The following RGS22 variants were observed in gnomAD, a reference collection of about 807,000 sequenced individuals.
RGS22 encodes regulator of G-protein signaling 22.
RGS22 carries 148 observed loss-of-function variants against 172.9 expected under a neutral mutation model. The ratio of observed to expected loss-of-function variants is 0.86; its 90% confidence interval spans 0.75 to 0.98. The LOEUF (loss-of-function observed/expected upper bound fraction) is 0.98. Among genes scored for constraint, RGS22 ranks in the 50% least tolerant of loss-of-function variants. The pLI, the probability that RGS22 is intolerant of heterozygous loss-of-function variation, is 0.00. For synonymous variants in RGS22, 458 were observed against 480.2 expected (o/e 0.95, Z 0.60); for missense variants, 1,347 against 1,440.8 (o/e 0.93, Z 1.05).
intron 9 of RGS22, among the ~76,000 whole-genome samples, chr8:100,055,636 G>A (rs1207189998): frequency 2.0e-5 from 3 of 152,182 alleles, no homozygotes; most frequent in Admixed American, 6.5e-5. Context: ...GGGATCCGAT[G>A]GGAGGTAACT....
chr8:100,044,052 T>A (rs1820447640), intron 11 of RGS22, among the ~76,000 whole-genome samples: 1 of 152,106 alleles, frequency 6.6e-6, no homozygotes, highest in African/African-American at 2.4e-5. Context: ...CCTGAATAGA[T>A]CTATAACAAG....
rs747772277 is a variant in RGS22 at position 100,072,225 on chromosome 8, G to A, written c.345C>T (p.Leu115=). The A allele has an allele frequency of 6.4e-7, 1 of 1,562,636 alleles. No individual in the cohort carries two copies. Among genetic ancestry groups the A allele is most frequent in the African/African-American group, 1.4e-5 (1 of 72,262 alleles). Residue 115 remains leucine, a synonymous_variant, in exon 5 of 28, where the codon CTC becomes CTT. Coordinates refer to ENST00000360863, the MANE Select transcript of RGS22 (RefSeq NM_015668.5). ...TINVNYNIMC[L]SREEGIKWIK... The stretch of plus-strand genomic sequence containing the variant: ...TCCACTTAATACCTTCTTCACGACT[G>A]AGACACTATGAGAAGAAAGAGAAAA...
intron 3 of RGS22, among the ~76,000 whole-genome samples, chr8:100,083,444 T>C (rs565080414): frequency 6.6e-6 from 1 of 152,266 alleles, no homozygotes; most frequent in Non-Finnish European, 1.5e-5. Flanking sequence ...CTCGGCTCAC[T>C]GCAACCTCTG....
At chr8:100,011,827 T>G (rs897610282) in intron 14 of RGS22, among the ~76,000 whole-genome samples, 6 of 152,176 alleles carry the variant, frequency 3.9e-5, no homozygotes, top group Admixed American at 3.9e-4. Context: ...CCAGCAGACC[T>G]GTACTAAATG....
At position 99,990,852 on chromosome 8, in the gene RGS22, G is replaced by A. The variant is rs370874159; in HGVS notation, c.3019-3233C>T. On this transcript the variant is annotated intron_variant, in intron 20 of 27. Transcript: ENST00000360863. The stretch of plus-strand genomic sequence containing the variant: ...TAGCCTAACTGGGAGACACCTCCCA[G>A]TAGGGGCTGACAGACACCTCATATA... Among the ~76,000 whole-genome samples the A allele has an allele frequency of 3.9e-5, 6 of 152,304 alleles. No individual in the cohort carries two copies. In the South Asian group the frequency reaches 8.3e-4, roughly 21 times the overall value.
At chr8:100,084,597 T>G (rs1812030733) in intron 3 of RGS22, among the ~76,000 whole-genome samples, 1 of 152,222 alleles carries the variant, frequency 6.6e-6, no homozygotes, top group Admixed American at 6.5e-5. Flanking sequence ...AGAACAGAGA[T>G]CTTTCCAGGG....
At chr8:100,101,190 A>T (rs1184566300) in intron 2 of RGS22, among the ~76,000 whole-genome samples, 1 of 152,190 alleles carries the variant, frequency 6.6e-6, no homozygotes, top group Non-Finnish European at 1.5e-5. Context: ...TATTTTAATG[A>T]TAAAAAAATT....
At chr8:100,076,907 C>T (rs527503388) in intron 4 of RGS22, among the ~76,000 whole-genome samples, 109 of 152,182 alleles carry the variant, frequency 7.2e-4, no homozygotes, top group African/African-American at 2.4e-3. Flanking sequence ...GCAGGAGAAT[C>T]GCTTGAACCT....
intron 23 of RGS22, among the ~76,000 whole-genome samples, chr8:99,977,270 ATTTTTTTTTTTTTTT>A (rs895569407): frequency 8.3e-6 from 1 of 120,390 alleles, no homozygotes; most frequent in Non-Finnish European, 1.7e-5. Context: ...CGCCCGGTTA[ATTTTTTTTTTTTTTT>A]TTTTTTTTTT....
chr8:99,984,038 A>G (rs559852138), intron 21 of RGS22, among the ~76,000 whole-genome samples: 12 of 152,130 alleles, frequency 7.9e-5, no homozygotes, highest in Non-Finnish European at 1.8e-4. Flanking sequence ...AATCCCAACA[A>G]TTTGGGAGGC....
Position 99,999,296 on chromosome 8 carries a change from G to C in RGS22, c.2915C>G (p.Ala972Gly). 6.2e-7 allele frequency: 1 copy of C among 1,613,732 alleles called. No individual in the cohort carries two copies. Among genetic ancestry groups the C allele is most frequent in the Non-Finnish European group, 8.5e-7 (1 of 1,179,894 alleles). Residue 972 changes from alanine (A) to glycine (G), a missense_variant, in exon 19 of 28, where the codon GCA becomes GGA. Coordinates refer to ENST00000360863, the MANE Select transcript of RGS22 (RefSeq NM_015668.5). ...CTGACGTGCTGCAAACTGTTCACTT[G>C]CAAGAAACAATGGCAGCCATACATT... ...LENVWLPLFL[A>G]SEQFAARQKI...
chr8:100,104,224 AG>A (rs1209785548), intron 2 of RGS22, among the ~76,000 whole-genome samples: 2 of 152,204 alleles, frequency 1.3e-5, no homozygotes, highest in Non-Finnish European at 2.9e-5. Flanking sequence ...TGGCTGAGAC[AG>A]GAAGATCACC....
chr8:100,040,071 T>C lies in RGS22; in HGVS notation c.1955A>G (p.Asp652Gly). The C allele has an allele frequency of 6.2e-7, 1 of 1,609,344 alleles. No homozygotes were observed. Among genetic ancestry groups the C allele is most frequent in the Non-Finnish European group, 8.5e-7 (1 of 1,178,592 alleles). ...GTCAGATCCTCCCAAGGCACCAACA[T>C]CTGACACGGTTTTAACCTAGATAAC... ...TEEPRVKTVSDVGALGGSDME... is the reference protein window; with the variant it reads ...TEEPRVKTVSGVGALGGSDME... Residue 652 changes from aspartate to glycine, a missense_variant, in exon 13 of 28, where the codon GAT (aspartate) becomes GGT (glycine). Asp to Gly is a moderately conservative substitution (Grantham distance 94). Transcript: ENST00000360863.
chr8:99,966,443 A>T (rs1245060019), intron 23 of RGS22, among the ~76,000 whole-genome samples: 1 of 150,986 alleles, frequency 6.6e-6, no homozygotes, highest in Admixed American at 6.6e-5. Flanking sequence ...AAATTAATTA[A>T]ATTTCCTTAA....
intron 20 of RGS22, among the ~76,000 whole-genome samples, chr8:99,988,406 A>G (rs1450844635): frequency 2.6e-5 from 4 of 152,270 alleles, no homozygotes; most frequent in Non-Finnish European, 5.9e-5. Context: ...TTAAAATCAC[A>G]TATTCAACCC....
rs1168541081 is a variant in RGS22, at chr8:99,999,298, A to T, written c.2913T>A (p.Leu971=). The T allele has an allele frequency of 6.2e-7, 1 of 1,613,980 alleles. No individual in the cohort carries two copies. Among genetic ancestry groups the T allele is most frequent in the African/African-American group, 1.3e-5 (1 of 75,044 alleles). Residue 971 remains leucine, a synonymous_variant, in exon 19 of 28, where the codon CTT becomes CTA. Transcript: ENST00000360863. ...RLENVWLPLF[L]ASEQFAARQK... is the part of the protein sequence containing the mutation. ...GACGTGCTGCAAACTGTTCACTTGC[A>T]AGAAACAATGGCAGCCATACATTTT...
rs557464920 is a variant in RGS22 at position 100,058,147 on chromosome 8, C to T, written c.1514+4444G>A. ...AAGAATCAGTGAGCTTGAAGACAGG[C>T]TATTTGAAAATACACAGAGGAGACA... On this transcript the variant is annotated intron_variant, in intron 9 of 27. Coordinates refer to ENST00000360863, the MANE Select transcript of RGS22 (RefSeq NM_015668.5). Among the ~76,000 whole-genome samples, 5 of 145,316 alleles carry T rather than the reference C, an allele frequency of 3.4e-5. No individual in the cohort carries two copies. In the East Asian group the frequency reaches 8.2e-4, roughly 24 times the overall value.
intron 2 of RGS22, among the ~76,000 whole-genome samples, chr8:100,104,189 G>A (rs1813723483): frequency 6.6e-6 from 1 of 152,116 alleles, no homozygotes; most frequent in South Asian, 2.1e-4. Context: ...GTGCTGGCAC[G>A]TGCCTATAGG....
At chr8:100,004,983 C>T (rs1815528372) in intron 16 of RGS22, among the ~76,000 whole-genome samples, 1 of 151,922 alleles carries the variant, frequency 6.6e-6, no homozygotes, top group South Asian at 2.1e-4. Context: ...ACTAATTCAT[C>T]TCCCTATTTG....
Sources: gnomAD v4.1 joint callset for allele counts (sites outside exome capture counted in the v4.1 genomes callset) on GRCh38, gnomAD v4.1.1 for gene constraint, MANE v1.5 for transcripts, NCBI Gene and HGNC (gene_info 2026-07-23, HGNC 2026-07-21) for gene names.